Variants in SLC6A15 observed in about 807,000 individuals in gnomAD.
The protein encoded by SLC6A15 is solute carrier family 6 member 15.
Under a neutral mutation model 68.5 loss-of-function variants are expected in SLC6A15, and 33 were observed. The ratio of observed to expected loss-of-function variants is 0.48; its 90% CI spans 0.37 to 0.64. The LOEUF (loss-of-function observed/expected upper bound fraction) is 0.64, where lower values mean the gene tolerates loss of function less well. SLC6A15 is among the 30% of genes least tolerant of loss of function. The pLI, the probability that SLC6A15 is intolerant of heterozygous loss-of-function variation, is 0.00. For synonymous variants in SLC6A15, 347 were observed against 301.0 expected, an observed-to-expected ratio of 1.15 and a Z score of -1.58; for missense variants, 747 against 874.3, an observed-to-expected ratio of 0.85 and a Z score of 1.84.
rs185560222 is a variant in SLC6A15 at position 84,882,959 on chromosome 12, C to T, written c.756+900G>A. 1.4e-4 allele frequency: 122 copies of T among 899,536 alleles called. 1 individual carries two copies. The African/African-American group carries it at 2.1e-3, about 15-fold the overall frequency. The allele number at this position is 899,536 out of a possible 1,614,324, so 55.7% of individuals were successfully genotyped here. A position where few individuals can be genotyped will look rare whatever the true frequency, so the allele number is the denominator to read the frequency against. On this transcript the variant is annotated intron_variant, in intron 5 of 11. Coordinates refer to ENST00000266682, the MANE Select transcript of SLC6A15 (RefSeq NM_182767.6). ...ACTACTTCTACTATTGCTGCTGCTA[C>T]TACTACTACTATTGCCATTCCTGCT...
At chr12:84,862,297 C>T (rs2120524830) in intron 11 of SLC6A15, among the ~76,000 whole-genome samples, 1 of 152,244 alleles carries the variant, frequency 6.6e-6, no homozygotes, top group East Asian at 1.9e-4. Flanking sequence ...CTGAATGCAA[C>T]TGCTTGAGTT....
chr12:84,861,658 G>A lies in SLC6A15; in HGVS notation c.2167C>T (p.Pro723Ser), dbSNP rs765722756. ...TACAAATCAGATTCTGGCATATCTGGCATAATATCTGCCATCAAGTACCCT... is the reference window on the plus strand; with the variant it reads ...TACAAATCAGATTCTGGCATATCTGACATAATATCTGCCATCAAGTACCCT... The part of the protein sequence containing the change: ...GIGYLMADIM[P>S]DMPESDL Residue 723 changes from proline (P) to serine (S), a missense_variant, in exon 12 of 12, where the codon CCA (proline) becomes TCA (serine). Transcript: ENST00000266682. 4.7e-5 allele frequency: 75 copies of A among 1,603,260 alleles called. No homozygotes were observed. Among genetic ancestry groups the A allele is most frequent in the Middle Eastern group, 1.7e-4 (1 of 6,008 alleles).
chr12:84,892,413 T>A (rs1397171462), intron 1 of SLC6A15, 105 bp from the exon 2 acceptor site: 1 of 217,606 alleles, frequency 4.6e-6, no homozygotes, highest in Non-Finnish European at 8.9e-6. Flanking sequence ...CTACAGAGTA[T>A]AAAACATGTA....
chr12:84,866,921 A>T (rs944461811), intron 10 of SLC6A15, 113 bp downstream of exon 10: 4 of 955,168 alleles, frequency 4.2e-6, no homozygotes. Flanking sequence ...TTGATTTTTT[A>T]AAGAATTGTT....
rs1006187497 is a variant in SLC6A15, at chr12:84,881,471, A to C, written c.756+2388T>G. The C allele has an allele frequency of 3.0e-6, 3 of 985,430 alleles. No individual in the cohort carries two copies. The African/African-American group carries it at 5.2e-5, about 17-fold the overall frequency. 61.0% of individuals were successfully genotyped at this position (985,430 alleles called of 1,614,324 possible). A position where few individuals can be genotyped will look rare whatever the true frequency, so the allele number is the denominator to read the frequency against. On this transcript the variant is annotated intron_variant, in intron 5 of 11. Transcript: ENST00000266682. ...CTGAAATTTCTCATAATAAAAAGGA[A>C]AATACAAGATTTCAGTAAAATCCAG...
chr12:84,906,983 A>G (rs1168850873), intron 1 of SLC6A15, among the ~76,000 whole-genome samples: 1 of 152,134 alleles, frequency 6.6e-6, no homozygotes, highest in Non-Finnish European at 1.5e-5. Context: ...ATGGAAAAAA[A>G]AAAGCTTAAA....
chr12:84,902,151 G>T (rs1872912246), intron 1 of SLC6A15, among the ~76,000 whole-genome samples: 1 of 151,786 alleles, frequency 6.6e-6, no homozygotes, highest in Admixed American at 6.6e-5. Flanking sequence ...TTTGCAAATT[G>T]TATCCTGGTT....
chr12:84,870,731 T>C, intron 8 of SLC6A15, 61 bp from the exon 9 acceptor site: 4 of 1,038,224 alleles, frequency 3.9e-6, no homozygotes, highest in African/African-American at 1.6e-5. Flanking sequence ...TGGCTCTATA[T>C]GTCAGTTACA....
intron 5 of SLC6A15, chr12:84,882,324 A>T: frequency 1.0e-6 from 1 of 985,258 alleles, no homozygotes. Flanking sequence ...TGGAAGACAT[A>T]CACAATTGAA....
At chr12:84,892,350 A>T (rs1193844343) in intron 1 of SLC6A15, 42 bp from the exon 2 acceptor site, 1 of 386,362 alleles carries the variant, frequency 2.6e-6, no homozygotes, top group African/African-American at 2.1e-5. Flanking sequence ...TTTAATGATG[A>T]AAAAATTTAA....
intron 1 of SLC6A15, among the ~76,000 whole-genome samples, chr12:84,908,425 G>A (rs1162526021): frequency 6.6e-6 from 1 of 151,738 alleles, no homozygotes; most frequent in Non-Finnish European, 1.5e-5. Context: ...AAATCAGGGG[G>A]TCGTCAAAAT....
In SLC6A15 at chr12:84,891,277, T is replaced by C. The variant is rs148241826; in HGVS notation, c.289+555A>G. Reference sequence around the variant, plus strand: ...AGAACTGGAAAGGAAATGCATAAAATGCCTAAGAATGAAGAATGTCTAGCA... The same window carrying C: ...AGAACTGGAAAGGAAATGCATAAAACGCCTAAGAATGAAGAATGTCTAGCA... On this transcript the variant is annotated intron_variant, in intron 2 of 11. Coordinates refer to ENST00000266682, the MANE Select transcript of SLC6A15 (RefSeq NM_182767.6). Among the ~76,000 whole-genome samples, 996 of 152,280 alleles carry C rather than the reference T, an allele frequency of 6.5e-3. 9 individuals carry two copies. Among genetic ancestry groups the C allele is most frequent in the African/African-American group, 0.022 (930 of 41,566 alleles).
intron 10 of SLC6A15, 132 bp from the exon 11 acceptor site, chr12:84,863,733 C>T (rs903889557): frequency 1.1e-5 from 6 of 553,316 alleles, no homozygotes; most frequent in Non-Finnish European, 1.4e-5. Flanking sequence ...TATCAAAGTT[C>T]CTCTTGGAAG....
chr12:84,878,784 T>TCAGTGCCTGAC (rs1555180897), intron 5 of SLC6A15, among the ~76,000 whole-genome samples: 25 of 152,018 alleles, frequency 1.6e-4, no homozygotes, highest in South Asian at 4.2e-4. Context: ...TCAAATCCCA[T>TCAGTGCCTGAC]AAACCAACTG....
Position 84,870,626 on chromosome 12 carries a change from C to T in SLC6A15, c.1347G>A (p.Ala449=), listed in dbSNP as rs750513614. ...AGGGAGATGCAGGAAAATGTGTCAT[C>T]GCTTCTGTAAAGGCAATAAAAGCTA... ...TGLAFIAFTE[A]MTHFPASPFW... is the part of the protein sequence containing the mutation. Residue 449 remains alanine, a synonymous_variant, in exon 9 of 12, where the codon GCG becomes GCA. Coordinates refer to ENST00000266682, the MANE Select transcript of SLC6A15 (RefSeq NM_182767.6). The T allele has an allele frequency of 8.1e-6, 13 of 1,612,038 alleles. No homozygotes were observed. Among genetic ancestry groups the T allele is most frequent in the African/African-American group, 2.7e-5 (2 of 74,808 alleles).
chr12:84,903,635 T>C (rs1187429404), intron 1 of SLC6A15, among the ~76,000 whole-genome samples: 1 of 152,044 alleles, frequency 6.6e-6, no homozygotes, highest in Non-Finnish European at 1.5e-5. Context: ...ATTCCTCAAT[T>C]TGTGGCCTCA....
intron 5 of SLC6A15, chr12:84,882,903 T>C: frequency 1.5e-6 from 1 of 653,656 alleles, no homozygotes; most frequent in Non-Finnish European, 1.9e-6. Flanking sequence ...CAGAAACATC[T>C]TTATCATCAT....
At chr12:84,904,226 A>AGG (rs1018667554) in intron 1 of SLC6A15, among the ~76,000 whole-genome samples, 2 of 147,046 alleles carry the variant, frequency 1.4e-5, no homozygotes, top group African/African-American at 5.0e-5. Context: ...GCGGAGGGGG[A>AGG]GAGAGAGAGA....
At chr12:84,873,796 G>A (rs1042839490) in intron 6 of SLC6A15, among the ~76,000 whole-genome samples, 10 of 152,146 alleles carry the variant, frequency 6.6e-5, no homozygotes, top group African/African-American at 2.4e-5. Context: ...ACTTCGCAGA[G>A]TTGAACTATT....
Sources: allele counts gnomAD v4.1 joint callset (sites outside exome capture counted in the v4.1 genomes callset), GRCh38; gene constraint gnomAD v4.1.1; transcripts MANE v1.5; gene names NCBI Gene and HGNC (gene_info 2026-07-23, HGNC 2026-07-21).